Variants in IFT46 observed in about 807,000 individuals in gnomAD.
IFT46 encodes the protein intraflagellar transport 46.
IFT46 carries 19 observed loss-of-function variants against 39.6 expected under a neutral mutation model. The ratio of observed to expected loss-of-function variants is 0.48; its 90% CI spans 0.33 to 0.70. The LOEUF (loss-of-function observed/expected upper bound fraction) is 0.70, where lower values mean the gene tolerates loss of function less well. IFT46 is among the 30% of genes least tolerant of loss of function. The pLI is 0.01. For synonymous variants in IFT46, 117 were observed against 134.8 expected (o/e 0.87, Z 0.91); for missense variants, 334 against 364.8 (o/e 0.92, Z 0.69).
chr11:118,554,277 C>T (rs1384290506), intron 7 of IFT46, among the ~76,000 whole-genome samples, 182 bp downstream of exon 7: 1 of 151,916 alleles, frequency 6.6e-6, no homozygotes, highest in East Asian at 1.9e-4. Context: ...AGGATGGTCT[C>T]GATCTCCTGA....
chr11:118,552,417 G>A, intron 7 of IFT46, 82 bp from the exon 8 acceptor site: 1 of 1,521,366 alleles, frequency 6.6e-7, no homozygotes, highest in South Asian at 1.2e-5. Context: ...ATCTGCTGCT[G>A]TTTCATATTC....
At chr11:118,565,419 T>C (rs1200877136) in intron 1 of IFT46, among the ~76,000 whole-genome samples, 1 of 146,232 alleles carries the variant, frequency 6.8e-6, no homozygotes, top group Admixed American at 7.0e-5. Context: ...GGGAAGGCTG[T>C]AGAGGTTCTA....
chr11:118,564,188 CAAAAAA>C lies in IFT46; in HGVS notation c.-36+771_-36+776del, dbSNP rs34442295. ...TGTGTGATAGAGTGAGACTCTGTCT[CAAAAAA>C]AAAAAAAAAAAAAAAAAAAAAGTGG... On this transcript the variant is annotated intron_variant, in intron 2 of 11. Transcript: ENST00000264021. 1.5e-4 allele frequency among the ~76,000 whole-genome samples: 8 copies of C among 55,122 alleles called. No individual in the cohort carries two copies. The South Asian group carries it at 3.2e-3, about 22-fold the overall frequency. 36.2% of individuals were successfully genotyped at this position (55,122 alleles called of 152,430 possible).
chr11:118,557,901 A>T, intron 3 of IFT46: 1 of 1,569,224 alleles, frequency 6.4e-7, no homozygotes, highest in South Asian at 1.2e-5. Context: ...CTGAAGGATG[A>T]CCAATTGGCC....
intron 9 of IFT46, among the ~76,000 whole-genome samples, chr11:118,549,683 C>T (rs1337664041): frequency 6.6e-6 from 1 of 151,938 alleles, no homozygotes; most frequent in Non-Finnish European, 1.5e-5. Flanking sequence ...CACCACCACG[C>T]CTGGCTAATT....
chr11:118,562,942 G>A (rs1237390215), intron 2 of IFT46, among the ~76,000 whole-genome samples: 1 of 152,046 alleles, frequency 6.6e-6, no homozygotes, highest in Admixed American at 6.6e-5. Context: ...GTGTGCACCT[G>A]TAGTCCCAAC....
chr11:118,561,476 A>G, intron 2 of IFT46: 1 of 786,902 alleles, frequency 1.3e-6, no homozygotes, highest in Non-Finnish European at 2.2e-6. Flanking sequence ...AGTTAAAAAG[A>G]ATAGGTGGAA....
Position 118,572,462 on chromosome 11 carries a change from A to G in IFT46, c.-133+134T>C, listed in dbSNP as rs533518004. 1.4e-5 allele frequency: 21 copies of G among 1,471,124 alleles called. No homozygotes were observed. The South Asian group carries it at 2.3e-4, about 16-fold the overall frequency. The allele number at this position is 1,471,124 out of a possible 1,614,324, so 91.1% of individuals were successfully genotyped here. A position where few individuals can be genotyped will look rare whatever the true frequency, so the allele number is the denominator to read the frequency against. ...TTCCTGTCAAGGGGGCAGCAGGTCC[A>G]GAGCTGCTGGTGCTCCCGTTCCCCA... On this transcript the variant is annotated intron_variant, in intron 1 of 5. Coordinates refer to the IFT46 transcript ENST00000528378.
chr11:118,570,632 A>G (rs1938318047), upstream of IFT46, among the ~76,000 whole-genome samples: 1 of 152,232 alleles, frequency 6.6e-6, no homozygotes, highest in Non-Finnish European at 1.5e-5. Context: ...TGAATCAGCT[A>G]TACTCTGAAA....
chr11:118,576,213 G>A (rs554680142), upstream of IFT46, among the ~76,000 whole-genome samples: 2 of 151,934 alleles, frequency 1.3e-5, no homozygotes, highest in East Asian at 3.9e-4. Flanking sequence ...GTGTAGGAGA[G>A]AGTTGTTATT....
upstream of IFT46, among the ~76,000 whole-genome samples, chr11:118,566,670 G>A (rs1002987576): frequency 3.3e-5 from 5 of 152,206 alleles, no homozygotes; most frequent in Non-Finnish European, 7.3e-5. Flanking sequence ...TCCAGCCTGG[G>A]CAACAAAGCG....
intron 3 of IFT46, among the ~76,000 whole-genome samples, chr11:118,558,367 C>T (rs1276101626): frequency 6.6e-6 from 1 of 152,172 alleles, no homozygotes; most frequent in Non-Finnish European, 1.5e-5. Flanking sequence ...GAGACCGAAG[C>T]AGGCGGATCA....
intron 9 of IFT46, among the ~76,000 whole-genome samples, chr11:118,550,854 C>G (rs11216890): frequency 0.14 from 21,897 of 151,716 alleles, 2,088 homozygotes; most frequent in East Asian, 0.49. Flanking sequence ...TGGTGAAACC[C>G]CGTCTCTACT....
chr11:118,555,208 G>A (rs1937789960), intron 5 of IFT46, 40 bp downstream of exon 5: 1 of 1,574,282 alleles, frequency 6.4e-7, no homozygotes, highest in Non-Finnish European at 8.7e-7. Context: ...TTGGGGCAAG[G>A]TAGGGATAGT....
At chr11:118,575,674 A>G (rs1938479506), upstream of IFT46, among the ~76,000 whole-genome samples, 2 of 152,218 alleles carry the variant, frequency 1.3e-5, no homozygotes, top group Non-Finnish European at 2.9e-5. Flanking sequence ...GTATATGTGT[A>G]TAAAATATTG....
At chr11:118,570,790 A>T (rs868924246), upstream of IFT46, among the ~76,000 whole-genome samples, 9 of 152,232 alleles carry the variant, frequency 5.9e-5, no homozygotes, top group South Asian at 2.1e-4. Context: ...ACATGAGCAC[A>T]ACTGCCCTGC....
chr11:118,569,787 G>A (rs1293464412), upstream of IFT46, among the ~76,000 whole-genome samples: 1 of 152,196 alleles, frequency 6.6e-6, no homozygotes, highest in African/African-American at 2.4e-5. Flanking sequence ...TGAAGTTAGA[G>A]TAATGGCTGG....
At chr11:118,549,212 CT>C (rs368493413) in intron 9 of IFT46, among the ~76,000 whole-genome samples, 19 of 146,574 alleles carry the variant, frequency 1.3e-4, no homozygotes, top group Admixed American at 5.4e-4. Flanking sequence ...TTTTTCTTTT[CT>C]TTTTTTTTTG....
upstream of IFT46, among the ~76,000 whole-genome samples, chr11:118,574,504 A>G (rs140618237): frequency 6.8e-3 from 1,043 of 152,292 alleles, 11 homozygotes; most frequent in African/African-American, 0.022. Flanking sequence ...ACATTTCACT[A>G]TATTTTATCA....
Sources: gnomAD v4.1 joint callset for allele counts (sites outside exome capture counted in the v4.1 genomes callset) on GRCh38, gnomAD v4.1.1 for gene constraint, MANE v1.5 for transcripts, NCBI Gene and HGNC (gene_info 2026-07-23, HGNC 2026-07-21) for gene names.